The following SULF2 variants were observed in gnomAD, a reference collection of about 807,000 sequenced individuals.
SULF2 encodes the protein sulfatase 2, also known as extracellular sulfatase Sulf-2.
SULF2 carries 52 observed loss-of-function variants against 107.7 expected under a neutral mutation model. The observed-to-expected ratio is 0.48, with a 90% confidence interval of 0.39 to 0.61. The LOEUF (loss-of-function observed/expected upper bound fraction) is 0.61, where lower values mean the gene tolerates loss of function less well. Among genes scored for constraint, SULF2 ranks in the 20% least tolerant of loss-of-function variants. The pLI, the probability that SULF2 is intolerant of heterozygous loss-of-function variation, is 0.00. For synonymous variants in SULF2, 460 were observed against 464.3 expected, an observed-to-expected ratio of 0.99 and a Z score of 0.12; for missense variants, 993 against 1,177.3, an observed-to-expected ratio of 0.84 and a Z score of 2.29.
chr20:47,708,225 G>A (rs950976682), intron 3 of SULF2, among the ~76,000 whole-genome samples: 2 of 152,236 alleles, frequency 1.3e-5, no homozygotes, highest in East Asian at 1.9e-4. Flanking sequence ...GTGGCCCCAC[G>A]CAGTGCTGTG....
chr20:47,682,044 G>A (rs184000312), intron 7 of SULF2, among the ~76,000 whole-genome samples: 6 of 152,188 alleles, frequency 3.9e-5, no homozygotes, highest in Non-Finnish European at 7.3e-5. Context: ...CTCCATACGT[G>A]TGGACTGTCG....
chr20:47,683,210 G>A, intron 6 of SULF2, 41 bp from the exon 7 acceptor site: 1 of 1,529,992 alleles, frequency 6.5e-7, no homozygotes, highest in East Asian at 2.3e-5. Context: ...TGGGGACTGG[G>A]TGCCTGGCCC....
intron 3 of SULF2, among the ~76,000 whole-genome samples, chr20:47,707,293 T>C (rs1368533167): frequency 2.6e-5 from 4 of 152,098 alleles, no homozygotes; most frequent in African/African-American, 7.2e-5. Context: ...CCGGCAGTTT[T>C]ATTATTTTTT....
intron 1 of SULF2, among the ~76,000 whole-genome samples, chr20:47,776,262 C>T (rs895523897): frequency 6.6e-6 from 1 of 152,184 alleles, no homozygotes; most frequent in African/African-American, 2.4e-5. Context: ...AATCTGACAG[C>T]TTTTTAGAAG....
chr20:47,709,288 T>C (rs1008611416), intron 3 of SULF2, among the ~76,000 whole-genome samples: 7 of 152,146 alleles, frequency 4.6e-5, no homozygotes, highest in Non-Finnish European at 1.0e-4. Context: ...TGGGAAAATT[T>C]GGCAGGCAGA....
intron 1 of SULF2, among the ~76,000 whole-genome samples, chr20:47,771,250 CA>C (rs1488610246): frequency 1.3e-5 from 2 of 152,152 alleles, no homozygotes; most frequent in African/African-American, 4.8e-5. Flanking sequence ...TTCCTTCTCA[CA>C]TGACCCAAGG....
At chr20:47,692,534 C>T (rs983057574) in intron 4 of SULF2, among the ~76,000 whole-genome samples, 1 of 152,216 alleles carries the variant, frequency 6.6e-6, no homozygotes, top group East Asian at 1.9e-4. Flanking sequence ...CCTCAGCCTT[C>T]TAAGTAGCTA....
Position 47,680,624 on chromosome 20 carries a change from G to A in SULF2, c.1065-1820C>T, listed in dbSNP as rs2087792928. ...TCCAGTGCCCTGTGAACGTCGGGCAGGCTGCCAAGCATGTGTGCAGCTGCT... is the reference window on the plus strand; with the variant it reads ...TCCAGTGCCCTGTGAACGTCGGGCAAGCTGCCAAGCATGTGTGCAGCTGCT... On this transcript the variant is annotated intron_variant, in intron 7 of 20. Transcript: ENST00000688720. This position sits in a 1 kb window ranked among gnomAD's most constrained non-coding sequence, Gnocchi z 4.2. 6.6e-6 allele frequency among the ~76,000 whole-genome samples: 1 copy of A among 152,242 alleles called. No homozygotes were observed. The highest frequency in any genetic ancestry group is 1.5e-5 in the Non-Finnish European group (1 of 68,046).
chr20:47,725,554 T>G (rs1033388361), intron 3 of SULF2, among the ~76,000 whole-genome samples: 8 of 152,150 alleles, frequency 5.3e-5, no homozygotes, highest in Admixed American at 1.3e-4. Context: ...TAGGGGGCGG[T>G]GTGCTCCCTT....
rs200775510 is a variant in SULF2 at position 47,690,270 on chromosome 20, T to C, written c.593A>G (p.Asn198Ser). The C allele has an allele frequency of 3.9e-6, 6 of 1,541,340 alleles. No homozygotes were observed. The highest frequency in any genetic ancestry group is 4.9e-5 in the East Asian group (2 of 41,236). Residue 198 changes from asparagine to serine, a missense_variant, in exon 5 of 21, where the codon AAT (asparagine) becomes AGT (serine). Around this residue, in one of 3 missense-constraint regions of SULF2, gnomAD observed 388 missense variants for 449.2 expected, o/e 0.86. Transcript: ENST00000688720. ...SKDYLTDLITNDSVSFFRTSK... is the reference protein window; with the variant it reads ...SKDYLTDLITSDSVSFFRTSK... ...CGTGCGGAAGAAGCTCACGCTGTCA[T>C]TGGTGATGAGGTCTGTGAGGTAATC...
chr20:47,741,063 C>T lies in SULF2; in HGVS notation c.176-4121G>A, dbSNP rs114067782. Among the ~76,000 whole-genome samples, 329 of 152,292 alleles carry T rather than the reference C, an allele frequency of 2.2e-3. 2 individuals are homozygous for T. The highest frequency in any genetic ancestry group is 7.7e-3 in the African/African-American group (320 of 41,558). ...CTTGCCACCTCCCCCGTGGGTCAGGCGATCATCCTCTCTCCCTGAAATCAG... is the reference window on the plus strand; with the variant it reads ...CTTGCCACCTCCCCCGTGGGTCAGGTGATCATCCTCTCTCCCTGAAATCAG... On this transcript the variant is annotated intron_variant, in intron 2 of 20. Coordinates refer to ENST00000688720, the MANE Select transcript of SULF2 (RefSeq NM_001387048.1).
chr20:47,689,913 T>A, intron 5 of SULF2: 1 of 420,182 alleles, frequency 2.4e-6, no homozygotes, highest in African/African-American at 2.0e-5. Flanking sequence ...TATCCCAAGT[T>A]AAAAATTCTC....
chr20:47,736,614 T>G (rs887294785), intron 3 of SULF2, 89 bp downstream of exon 3: 1 of 1,540,226 alleles, frequency 6.5e-7, no homozygotes, highest in African/African-American at 1.4e-5. Flanking sequence ...CAGAATCAAC[T>G]TGGGTACCGC....
At position 47,679,115 on chromosome 20, in the gene SULF2, C is replaced by T. The variant is rs2087744497; in HGVS notation, c.1065-311G>A. On this transcript the variant is annotated intron_variant, in intron 7 of 20. Coordinates refer to ENST00000688720, the MANE Select transcript of SULF2 (RefSeq NM_001387048.1). The stretch of plus-strand genomic sequence containing the variant: ...AGTGAAGGCGACCCCCCCTTTACAG[C>T]CAGCCCAAATCCTGGCCCTTCCTGA... Among the ~76,000 whole-genome samples, 14 of 151,966 alleles carry T rather than the reference C, an allele frequency of 9.2e-5. No homozygotes were observed. In the South Asian group the frequency reaches 2.9e-3, roughly 32 times the overall value.
intron 13 of SULF2, among the ~76,000 whole-genome samples, chr20:47,665,567 T>G (rs1475144902): frequency 6.6e-6 from 1 of 152,220 alleles, no homozygotes; most frequent in Non-Finnish European, 1.5e-5. Context: ...CACTGAGGCC[T>G]CCAGTGTCTC....
At chr20:47,704,683 C>T (rs189080353) in intron 3 of SULF2, among the ~76,000 whole-genome samples, 39 of 152,348 alleles carry the variant, frequency 2.6e-4, no homozygotes, top group African/African-American at 7.9e-4. Flanking sequence ...TAGATGAGGA[C>T]ACTGCGGTTC....
intron 3 of SULF2, among the ~76,000 whole-genome samples, chr20:47,703,267 G>C (rs2088627897): frequency 6.6e-6 from 1 of 152,208 alleles, no homozygotes; most frequent in Admixed American, 6.5e-5. Context: ...ATTATATTTT[G>C]CAGTATCTGC....
intron 3 of SULF2, among the ~76,000 whole-genome samples, chr20:47,724,323 T>C (rs2089378556): frequency 6.6e-6 from 1 of 152,238 alleles, no homozygotes; most frequent in Non-Finnish European, 1.5e-5. Context: ...CGAGAGCTGC[T>C]TCTGTCTTGC....
At chr20:47,682,474 A>T (rs969003841) in intron 7 of SULF2, among the ~76,000 whole-genome samples, 1 of 152,186 alleles carries the variant, frequency 6.6e-6, no homozygotes, top group Admixed American at 6.5e-5. Flanking sequence ...CTGCCAGAAC[A>T]TGTCAACTCA....
Sources: gnomAD v4.1 joint callset for allele counts (sites outside exome capture counted in the v4.1 genomes callset) on GRCh38, gnomAD v4.1.1 for gene constraint, gnomAD v4.1.1 regional missense constraint, Gnocchi (gnomAD v3.1) non-coding constraint, MANE v1.5 for transcripts, NCBI Gene and HGNC (gene_info 2026-07-23, HGNC 2026-07-21) for gene names.